The following ACVR1 variants were observed in gnomAD, a reference collection of about 807,000 sequenced individuals.
ACVR1 encodes the protein activin A receptor type 1, also known as activin receptor type-1.
Under a neutral mutation model 57.1 loss-of-function variants are expected in ACVR1, and 38 were observed. That is an observed-to-expected ratio of 0.67 (90% CI 0.51 to 0.87). The LOEUF is 0.87. Among genes scored for constraint, ACVR1 ranks in the 40% least tolerant of loss-of-function variants. ACVR1 has a pLI of 0.00. For missense variants in ACVR1, 463 were observed against 638.2 expected (o/e 0.73, Z 2.96); for synonymous variants, 212 against 228.1 (o/e 0.93, Z 0.63).
chr2:157,854,349 C>T (rs916016377), intron 1 of ACVR1, among the ~76,000 whole-genome samples: 2 of 152,092 alleles, frequency 1.3e-5, no homozygotes, highest in Non-Finnish European at 2.9e-5. Context: ...AACATAAAAA[C>T]ATCACTGAAA....
At chr2:157,816,541 G>A (rs566556632) in intron 2 of ACVR1, among the ~76,000 whole-genome samples, 154 of 152,022 alleles carry the variant, frequency 1.0e-3, no homozygotes, top group African/African-American at 3.4e-3. Flanking sequence ...AGGCTGCAGC[G>A]TGCCATGATT....
intron 1 of ACVR1, among the ~76,000 whole-genome samples, chr2:157,851,898 CACA>C (rs1689320588): frequency 4.6e-4 from 47 of 103,032 alleles, no homozygotes; most frequent in Non-Finnish European, 5.4e-4. Context: ...CACACACACA[CACA>C]CACACACACC....
chr2:157,753,102 G>C (rs1256399175), intron 9 of ACVR1, among the ~76,000 whole-genome samples: 1 of 152,148 alleles, frequency 6.6e-6, no homozygotes, highest in Admixed American at 6.5e-5. Flanking sequence ...TAAACTTAAG[G>C]TAAATGGGGT....
At position 157,787,930 on chromosome 2, in the gene ACVR1, C is replaced by T. The variant is rs541631631; in HGVS notation, c.68-7330G>A. 1.2e-4 allele frequency among the ~76,000 whole-genome samples: 18 copies of T among 152,286 alleles called. 1 individual carries two copies. Among genetic ancestry groups the T allele is most frequent in the Middle Eastern group, 3.4e-3 (1 of 294 alleles). On this transcript the variant is annotated intron_variant, in intron 3 of 10. Coordinates refer to ENST00000434821, the MANE Select transcript of ACVR1 (RefSeq NM_001111067.4). ...TCTCTGGGATTCATGGACTGGGCCT[C>T]CTCCAAGGTTGCCAATCTTAGCTGT... is the stretch of plus-strand genomic sequence containing the variant.
At chr2:157,777,362 A>C (rs1559050772) in intron 5 of ACVR1, among the ~76,000 whole-genome samples, 1 of 152,250 alleles carries the variant, frequency 6.6e-6, no homozygotes, top group African/African-American at 2.4e-5. Context: ...GATATATGCT[A>C]TAGGTGTAAA....
Position 157,876,312 on chromosome 2 carries a change from G to A in ACVR1, c.-699C>T, listed in dbSNP as rs1690300913. Among the ~76,000 whole-genome samples the A allele has an allele frequency of 6.6e-6, 1 of 151,110 alleles. No homozygotes were observed. On this transcript the variant is annotated 5_prime_UTR_variant, in exon 1 of 11. Coordinates refer to ENST00000434821, the MANE Select transcript of ACVR1 (RefSeq NM_001111067.4). The stretch of plus-strand genomic sequence containing the variant: ...GCGCCGAGGGGGAGGCTGCGGCGGC[G>A]GCGGCGGCTGCAAAGAGCAGGAGCC...
intron 10 of ACVR1, 52 bp from the exon 11 acceptor site, chr2:157,737,717 C>G (rs1455969466): frequency 6.2e-7 from 1 of 1,611,946 alleles, no homozygotes; most frequent in Non-Finnish European, 8.5e-7. Flanking sequence ...TTTTAATGGC[C>G]CTGGAAGCTG....
rs1028063570 is a variant in ACVR1 at position 157,764,454 on chromosome 2, C to T, written c.1066+1467G>A. ...AACTCCTGACCTCAAGTGATCCTTC[C>T]GCCTCGGCCTCCCAAAGTGCTGGGA... On this transcript the variant is annotated intron_variant, in intron 8 of 10. Coordinates refer to ENST00000434821, the MANE Select transcript of ACVR1 (RefSeq NM_001111067.4). 2.0e-5 allele frequency among the ~76,000 whole-genome samples: 3 copies of T among 151,166 alleles called. No individual in the cohort carries two copies. In the East Asian group the frequency reaches 5.8e-4, roughly 29 times the overall value.
intron 1 of ACVR1, among the ~76,000 whole-genome samples, chr2:157,872,691 A>G (rs1196139839): frequency 6.6e-6 from 1 of 152,266 alleles, no homozygotes; most frequent in Non-Finnish European, 1.5e-5. Context: ...CAAGGCACCA[A>G]GCTAAATCTA....
intron 1 of ACVR1, among the ~76,000 whole-genome samples, chr2:157,828,280 T>C (rs575489758): frequency 6.6e-6 from 1 of 151,926 alleles, no homozygotes; most frequent in East Asian, 1.9e-4. Context: ...AAACCCCGTC[T>C]CTACAAAAAT....
In ACVR1 at chr2:157,765,949, C is replaced by A. The variant is rs144048685; in HGVS notation, c.1038G>T (p.Lys346Asn). 1.9e-6 allele frequency: 3 copies of A among 1,614,006 alleles called. No individual in the cohort carries two copies. The highest frequency in any genetic ancestry group is 2.7e-5 in the African/African-American group (2 of 74,936). Reference sequence around the variant, plus strand: ...AATCTGCTATGCAACACTGTCCATTCTTCTTAACCAGAATATTTTTGCTCT... The same window carrying A: ...AATCTGCTATGCAACACTGTCCATTATTCTTAACCAGAATATTTTTGCTCT... ...DLKSKNILVK[K>N]NGQCCIADLG... Residue 346 changes from lysine (K) to asparagine (N), a missense_variant, in exon 8 of 11, where the codon AAG becomes AAT. Physicochemically the swap from Lys to Asn is moderately conservative, Grantham distance 94. Coordinates refer to ENST00000434821, the MANE Select transcript of ACVR1 (RefSeq NM_001111067.4).
Position 157,792,927 on chromosome 2 carries a change from T to C in ACVR1, c.67+6500A>G, listed in dbSNP as rs192749855. Among the ~76,000 whole-genome samples the C allele has an allele frequency of 4.0e-3, 605 of 152,316 alleles. 4 individuals are homozygous for C. The highest frequency in any genetic ancestry group is 5.5e-3 in the Non-Finnish European group (376 of 68,016). Reference sequence around the variant, plus strand: ...GAATGACATGAGTTCTGAGTCACTATGGCTATTAGGAATAAACATTCTGTA... The same window carrying C: ...GAATGACATGAGTTCTGAGTCACTACGGCTATTAGGAATAAACATTCTGTA... On this transcript the variant is annotated intron_variant, in intron 3 of 10. Transcript: ENST00000434821.
intron 9 of ACVR1, among the ~76,000 whole-genome samples, chr2:157,742,988 G>A (rs1574007214): frequency 6.6e-6 from 1 of 151,950 alleles, no homozygotes; most frequent in African/African-American, 2.4e-5. Flanking sequence ...CATCAGTGCC[G>A]TCCATGGGAG....
chr2:157,833,043 T>C (rs1231109389), intron 1 of ACVR1, among the ~76,000 whole-genome samples: 1 of 152,212 alleles, frequency 6.6e-6, no homozygotes, highest in African/African-American at 2.4e-5. Flanking sequence ...ATGAAAGGAA[T>C]ATGTGTGTAT....
intron 1 of ACVR1, among the ~76,000 whole-genome samples, chr2:157,859,726 C>T (rs1040230611): frequency 2.0e-5 from 3 of 152,182 alleles, no homozygotes; most frequent in African/African-American, 7.2e-5. Context: ...AGCCACACCA[C>T]TCACCAAATA....
intron 3 of ACVR1, among the ~76,000 whole-genome samples, chr2:157,785,206 T>C (rs766625992): frequency 2.6e-5 from 4 of 152,242 alleles, no homozygotes; most frequent in African/African-American, 4.8e-5. Context: ...CTCAAAGTAG[T>C]ACAAATCATA....
chr2:157,774,232 G>C, intron 5 of ACVR1, 45 bp from the exon 6 acceptor site: 1 of 1,501,770 alleles, frequency 6.7e-7, no homozygotes, highest in East Asian at 2.3e-5. Flanking sequence ...GAGCAATATA[G>C]CTCCCACTTT....
rs374253533 is a variant in ACVR1 at position 157,746,748 on chromosome 2, C to T, written c.1265-8178G>A. ...CATTCCAGTTTAAAAACTATCGATC[C>T]GAGTGAACCCCTGCCTTAAGTTCAT... is the stretch of plus-strand genomic sequence containing the variant. On this transcript the variant is annotated intron_variant, in intron 9 of 10. Transcript: ENST00000434821. Among the ~76,000 whole-genome samples the T allele has an allele frequency of 2.5e-4, 38 of 152,314 alleles. 1 individual carries two copies. The highest frequency in any genetic ancestry group is 1.0e-3 in the Admixed American group (16 of 15,304).
intron 1 of ACVR1, among the ~76,000 whole-genome samples, chr2:157,845,755 A>G (rs1215768519): frequency 6.6e-6 from 1 of 152,198 alleles, no homozygotes; most frequent in Non-Finnish European, 1.5e-5. Flanking sequence ...TGCATCCATG[A>G]TGAAAGAGGA....
Sources: allele counts gnomAD v4.1 joint callset (sites outside exome capture counted in the v4.1 genomes callset), GRCh38; gene constraint gnomAD v4.1.1; transcripts MANE v1.5; gene names NCBI Gene and HGNC (gene_info 2026-07-23, HGNC 2026-07-21).